Variants in NCOR2 observed in about 807,000 individuals in gnomAD.
NCOR2 encodes CTG repeat protein 26.
Under a neutral mutation model 262.9 loss-of-function variants are expected in NCOR2, and 81 were observed. The ratio of observed to expected loss-of-function variants is 0.31; its 90% CI spans 0.26 to 0.37. The LOEUF (loss-of-function observed/expected upper bound fraction) is 0.37, where lower values mean the gene tolerates loss of function less well. NCOR2 is among the 10% of genes least tolerant of loss of function. The pLI, the probability that NCOR2 is intolerant of heterozygous loss-of-function variation, is 1.00. For synonymous variants in NCOR2, 1,659 were observed against 1,559.3 expected, an observed-to-expected ratio of 1.06 and a Z score of -1.51; for missense variants, 3,385 against 3,621.4, an observed-to-expected ratio of 0.93 and a Z score of 1.68.
rs538852538 is a variant in NCOR2, at chr12:124,547,552, G to A, written c.-164-11941C>T. 5.9e-5 allele frequency among the ~76,000 whole-genome samples: 9 copies of A among 152,232 alleles called. No homozygotes were observed. In the South Asian group the frequency reaches 1.9e-3, roughly 32 times the overall value. Reference sequence around the variant, plus strand: ...CATAAAATTAACCACTATAAAGTAGGCAGCTCTGACATTTAGGACATTCCC... The same window carrying A: ...CATAAAATTAACCACTATAAAGTAGACAGCTCTGACATTTAGGACATTCCC... On this transcript the variant is annotated intron_variant, in intron 1 of 32. Coordinates refer to the NCOR2 transcript ENST00000458234.
intron 7 of NCOR2, among the ~76,000 whole-genome samples, chr12:124,445,609 G>A (rs543603248): frequency 1.3e-5 from 2 of 152,236 alleles, no homozygotes; most frequent in African/African-American, 2.4e-5. Context: ...CGAGGAGGCC[G>A]TGAGCGCCAG....
chr12:124,471,975 A>G (rs1480167949), intron 4 of NCOR2, among the ~76,000 whole-genome samples: 2 of 152,266 alleles, frequency 1.3e-5, no homozygotes, highest in Non-Finnish European at 2.9e-5. Context: ...AAGCAGTCAT[A>G]TAAACACACA....
rs1384061133 is a variant in NCOR2, at chr12:124,332,472, G to A, written c.6756-5C>T. On this transcript the variant is annotated splice_region_variant and splice_polypyrimidine_tract_variant and intron_variant, in intron 42 of 46. Coordinates refer to ENST00000405201, the Ensembl canonical transcript of NCOR2. ...GGAGACTTGGAGCCCATCCTGCTGT[G>A]AGGATCAAACACCTCACATCAGCTC... The A allele has an allele frequency of 2.1e-5, 34 of 1,614,186 alleles. No homozygotes were observed. Among genetic ancestry groups the A allele is most frequent in the East Asian group, 4.5e-5 (2 of 44,892 alleles).
chr12:124,336,734 G>C lies in NCOR2; in HGVS notation c.6115+19C>G. The C allele has an allele frequency of 6.2e-7, 1 of 1,610,758 alleles. No individual in the cohort carries two copies. Among genetic ancestry groups the C allele is most frequent in the Non-Finnish European group, 8.5e-7 (1 of 1,178,958 alleles). Reference sequence around the variant, plus strand: ...GATAATCGCGTCTATGAAGGTGGCCGCTGTCAGGGTGGTCTTACCCAGAGA... The same window carrying C: ...GATAATCGCGTCTATGAAGGTGGCCCCTGTCAGGGTGGTCTTACCCAGAGA... On this transcript the variant is annotated intron_variant, in intron 38 of 46. Coordinates refer to ENST00000405201, the Ensembl canonical transcript of NCOR2.
At position 124,469,647 on chromosome 12, in the gene NCOR2, G is replaced by A. The variant is rs548961101; in HGVS notation, c.591+3305C>T. Among the ~76,000 whole-genome samples the A allele has an allele frequency of 1.4e-3, 215 of 152,304 alleles. 1 individual carries two copies. Among genetic ancestry groups the A allele is most frequent in the Non-Finnish European group, 2.3e-3 (154 of 68,026 alleles). ...CACCAGCTCTGCAGCCTCAGCCAGG[G>A]CCCTTCACCTCCCTGACCTCAGTGT... On this transcript the variant is annotated intron_variant, in intron 4 of 46. Coordinates refer to ENST00000405201, the Ensembl canonical transcript of NCOR2.
chr12:124,521,607 G>A (rs956416229), intron 1 of NCOR2, among the ~76,000 whole-genome samples: 7 of 152,160 alleles, frequency 4.6e-5, no homozygotes, highest in East Asian at 3.8e-4. Flanking sequence ...TGCGGGAGGC[G>A]GCAACGTGAA....
At chr12:124,338,575 G>GCAGCT (rs1321338409) in intron 37 of NCOR2, among the ~76,000 whole-genome samples, 4 of 151,228 alleles carry the variant, frequency 2.6e-5, no homozygotes, top group Admixed American at 6.6e-5. Context: ...CCCTGGTGAA[G>GCAGCT]CAGCTCTGCC....
chr12:124,534,570 A>G (rs2051023491), intron 1 of NCOR2, among the ~76,000 whole-genome samples: 2 of 152,180 alleles, frequency 1.3e-5, no homozygotes, highest in South Asian at 4.1e-4. Context: ...CAAGAATGAA[A>G]TCTCCCGACA....
intron 12 of NCOR2, 150 bp downstream of exon 14, chr12:124,422,351 G>A (rs2043256068): frequency 2.3e-6 from 2 of 853,636 alleles, no homozygotes; most frequent in South Asian, 3.1e-5. Flanking sequence ...TGGAAGGAAG[G>A]GAGGGAGGGA....
At chr12:124,555,544 C>A (rs2051855371) in intron 1 of NCOR2, among the ~76,000 whole-genome samples, 1 of 152,212 alleles carries the variant, frequency 6.6e-6, no homozygotes, top group South Asian at 2.1e-4. Context: ...ACTGCAGTTA[C>A]CCCCATTCTA....
At chr12:124,489,610 C>G (rs1272186098) in intron 1 of NCOR2, among the ~76,000 whole-genome samples, 1 of 152,016 alleles carries the variant, frequency 6.6e-6, no homozygotes, top group Non-Finnish European at 1.5e-5. Flanking sequence ...AGGAAAAAGC[C>G]ATTCAGGTGA....
chr12:124,483,766 C>T lies in NCOR2; in HGVS notation c.241G>A (p.Glu81Lys), dbSNP rs780179306. Residue 81 changes from glutamate to lysine, a missense_variant, in exon 3 of 47, where the codon GAG becomes AAG. Coordinates refer to ENST00000405201, the Ensembl canonical transcript of NCOR2. The surrounding 1 kb of genome is among the most constrained non-coding windows in gnomAD (Gnocchi z 6.3). ...TGGGACTCTGGCCGCAGGTGGAGCT[C>T]CTGGGACCTGCAGGAGGTGAGGCAT... The T allele has an allele frequency of 2.6e-5, 42 of 1,600,482 alleles. No individual in the cohort carries two copies. The highest frequency in any genetic ancestry group is 3.5e-5 in the Non-Finnish European group (41 of 1,173,288).
chr12:124,355,656 T>G, intron 23 of NCOR2, 85 bp from the exon 26 acceptor site: 18 of 1,447,502 alleles, frequency 1.2e-5, no homozygotes, highest in Non-Finnish European at 1.6e-5. Flanking sequence ...ACTCCACCTC[T>G]TCCCTGTCCT....
intron 1 of NCOR2, among the ~76,000 whole-genome samples, chr12:124,559,943 C>T (rs1481256803): frequency 1.3e-5 from 2 of 152,160 alleles, no homozygotes; most frequent in Non-Finnish European, 2.9e-5. Context: ...AAAAATTGTG[C>T]CAAAAATCAG....
intron 1 of NCOR2, among the ~76,000 whole-genome samples, chr12:124,551,787 CG>C (rs1217258449): frequency 2.0e-5 from 3 of 152,256 alleles, no homozygotes; most frequent in Non-Finnish European, 2.9e-5. Context: ...GAAGGAGGCG[CG>C]GGCCGTTTTC....
intron 1 of NCOR2, among the ~76,000 whole-genome samples, chr12:124,560,558 A>G (rs1046519429): frequency 1.3e-5 from 2 of 152,272 alleles, no homozygotes; most frequent in Non-Finnish European, 2.9e-5. Flanking sequence ...TCGGCTCCGA[A>G]ACATATTATC....
intron 22 of NCOR2, among the ~76,000 whole-genome samples, chr12:124,358,280 T>C (rs1383619703): frequency 6.8e-6 from 1 of 147,668 alleles, no homozygotes; most frequent in Non-Finnish European, 1.5e-5. Context: ...TAACCTGTGA[T>C]GTGTGTATGT....
In NCOR2 at chr12:124,398,672, C is replaced by T. The variant is rs537292856; in HGVS notation, c.1814-491G>A. Among the ~76,000 whole-genome samples, 10 of 152,352 alleles carry T rather than the reference C, an allele frequency of 6.6e-5. No homozygotes were observed. The East Asian group carries it at 1.7e-3, about 26-fold the overall frequency. On this transcript the variant is annotated intron_variant, in intron 15 of 46. Coordinates refer to ENST00000405201, the Ensembl canonical transcript of NCOR2. ...CTATTACTGTGGGGCTGTCCCATCA[C>T]GGCAGGATGCTTAGCAACCCTGGAC...
chr12:124,493,416 G>A (rs983101720), intron 1 of NCOR2, among the ~76,000 whole-genome samples: 1 of 152,224 alleles, frequency 6.6e-6, no homozygotes, highest in African/African-American at 2.4e-5. Context: ...TGAGCCAGGC[G>A]CCATCTTAAG....
Sources: gnomAD v4.1 joint callset for allele counts (sites outside exome capture counted in the v4.1 genomes callset) on GRCh38, gnomAD v4.1.1 for gene constraint, Gnocchi (gnomAD v3.1) non-coding constraint, MANE v1.5 for transcripts, NCBI Gene and HGNC (gene_info 2026-07-23, HGNC 2026-07-21) for gene names.